RBPMS: variants seen among roughly 807,000 people sequenced by gnomAD.
RBPMS encodes RNA-binding protein with multiple splicing.
Under a neutral mutation model 26.8 loss-of-function variants are expected in RBPMS, and 7 were observed. The observed-to-expected ratio is 0.26, with a 90% confidence interval of 0.15 to 0.49. The LOEUF is 0.49. Among genes scored for constraint, RBPMS ranks in the 20% least tolerant of loss-of-function variants. The pLI is 0.98. For missense variants in RBPMS, 186 were observed against 250.0 expected, an observed-to-expected ratio of 0.74 and a Z score of 1.73; for synonymous variants, 96 against 93.3, an observed-to-expected ratio of 1.03 and a Z score of -0.17.
At chr8:30,417,099 T>C (rs1295406729) in intron 1 of RBPMS, among the ~76,000 whole-genome samples, 1 of 152,230 alleles carries the variant, frequency 6.6e-6, no homozygotes, top group Non-Finnish European at 1.5e-5. Flanking sequence ...GGGGAGTTTG[T>C]TCTTCTAAGA....
At chr8:30,529,072 T>C (rs1320202953) in intron 5 of RBPMS, among the ~76,000 whole-genome samples, 1 of 151,850 alleles carries the variant, frequency 6.6e-6, no homozygotes, top group Non-Finnish European at 1.5e-5. Flanking sequence ...AATTAAAAAT[T>C]AGCCAAGTGT....
In RBPMS at chr8:30,413,019, G is replaced by T. The variant is rs182867352; in HGVS notation, c.66+27861G>T. 8.5e-5 allele frequency among the ~76,000 whole-genome samples: 13 copies of T among 152,296 alleles called. No individual in the cohort carries two copies. In the Middle Eastern group the frequency reaches 0.01, roughly 120 times the overall value. On this transcript the variant is annotated intron_variant, in intron 1 of 8. Transcript: ENST00000397323. ...GATGGGGCCACTGAAGTCCAAGGTG[G>T]TGTCTGGAACACATTCCAGTTTTTT...
chr8:30,561,007 T>C (rs1226801099), intron 7 of RBPMS, among the ~76,000 whole-genome samples: 1 of 152,232 alleles, frequency 6.6e-6, no homozygotes, highest in Non-Finnish European at 1.5e-5. Flanking sequence ...TGAAATTACA[T>C]GTCGTGTGTG....
rs1278876942 is a variant in RBPMS, at chr8:30,504,355, G to A, written c.316G>A (p.Ala106Thr). The part of the protein sequence containing the change: ...LEFAKANTKM[A>T]KNKLVGTPNP... ...GTTTGCTAAGGCAAACACGAAGATG[G>A]CCAAGAACAAACTCGTAGGGACTCC... Residue 106 changes from alanine to threonine, a missense_variant, in exon 5 of 9, where the codon GCC becomes ACC. Physicochemically the swap from Ala to Thr is moderately conservative, Grantham distance 58. Around this residue, in one of 3 missense-constraint regions of RBPMS, gnomAD observed 50 missense variants for 108.5 expected, o/e 0.46. Transcript: ENST00000397323. 1 of 1,614,156 alleles carries A rather than the reference G, an allele frequency of 6.2e-7. No individual in the cohort carries two copies. The highest frequency in any genetic ancestry group is 1.7e-5 in the Admixed American group (1 of 60,028).
intron 5 of RBPMS, among the ~76,000 whole-genome samples, chr8:30,511,471 G>GAAA (rs1188894079): frequency 1.8e-4 from 2 of 11,212 alleles, no homozygotes; most frequent in African/African-American, 4.9e-4. Flanking sequence ...AACAAAAAAA[G>GAAA]AAAAAAAAAA....
chr8:30,547,312 G>A, intron 6 of RBPMS: 4 of 1,610,792 alleles, frequency 2.5e-6, no homozygotes, highest in East Asian at 2.2e-5. Flanking sequence ...CTGAGGCAAA[G>A]CCCAACACAC....
intron 4 of RBPMS, among the ~76,000 whole-genome samples, chr8:30,482,076 A>G (rs1229786766): frequency 6.6e-6 from 1 of 152,232 alleles, no homozygotes; most frequent in East Asian, 1.9e-4. Flanking sequence ...AATTGCCACC[A>G]TAAAGTTTGG....
chr8:30,494,054 T>C (rs1037324170), intron 4 of RBPMS, among the ~76,000 whole-genome samples: 10 of 152,194 alleles, frequency 6.6e-5, no homozygotes, highest in Admixed American at 5.2e-4. Flanking sequence ...ATCTGCCTGG[T>C]TCCTCCTACA....
chr8:30,497,155 CA>C (rs375867784), intron 4 of RBPMS, among the ~76,000 whole-genome samples: 28 of 151,742 alleles, frequency 1.8e-4, no homozygotes, highest in African/African-American at 6.8e-4. Context: ...TCTAAAAAGG[CA>C]AAAAAAATTC....
intron 5 of RBPMS, among the ~76,000 whole-genome samples, chr8:30,526,196 ACAAT>A: frequency 6.6e-6 from 1 of 152,322 alleles, no homozygotes; most frequent in East Asian, 1.9e-4. Context: ...CCATGCTCCA[ACAAT>A]ACTCAGCTCT....
At chr8:30,562,749 G>A (rs144874289) in intron 7 of RBPMS, among the ~76,000 whole-genome samples, 222 of 152,136 alleles carry the variant, frequency 1.5e-3, no homozygotes, top group African/African-American at 5.0e-3. Flanking sequence ...TCCGTTCGGC[G>A]GGGAGGGCTT....
At chr8:30,477,626 GGT>G (rs35290433) in intron 2 of RBPMS, among the ~76,000 whole-genome samples, 171 bp from the exon 3 acceptor site, 151,139 of 151,654 alleles carry the variant, frequency 1, 75,313 homozygotes, top group Middle Eastern at 1. Flanking sequence ...AATGCAAACA[GGT>G]GTGTGTGTGT....
At chr8:30,527,058 T>G (rs1395832721) in intron 5 of RBPMS, among the ~76,000 whole-genome samples, 1 of 152,174 alleles carries the variant, frequency 6.6e-6, no homozygotes, top group Non-Finnish European at 1.5e-5. Flanking sequence ...TACAAAACTT[T>G]CCCAGTTCTC....
intron 1 of RBPMS, among the ~76,000 whole-genome samples, chr8:30,471,936 C>A (rs1415146176): frequency 6.6e-6 from 1 of 152,046 alleles, no homozygotes; most frequent in African/African-American, 2.4e-5. Context: ...CCAGCCCCAG[C>A]AGAATACACA....
chr8:30,449,412 C>T (rs1225613677), intron 1 of RBPMS, among the ~76,000 whole-genome samples: 1 of 148,644 alleles, frequency 6.7e-6, no homozygotes, highest in Non-Finnish European at 1.5e-5. Context: ...AGACTCTTGC[C>T]CCGGCTGGAG....
At chr8:30,545,476 A>G in intron 6 of RBPMS, 1 of 988,236 alleles carries the variant, frequency 1.0e-6, no homozygotes, top group Non-Finnish European at 1.2e-6. Context: ...GTACGTACGT[A>G]GGTTTCATTT....
At chr8:30,567,001 TGTA>T (rs1563460560) in intron 8 of RBPMS, among the ~76,000 whole-genome samples, 1 of 152,142 alleles carries the variant, frequency 6.6e-6, no homozygotes, top group African/African-American at 2.4e-5. Context: ...TAGCAGGAAA[TGTA>T]GTCTAAAAAA....
At chr8:30,566,016 TC>T (rs1827862681) in intron 7 of RBPMS, 2 of 152,606 alleles carry the variant, frequency 1.3e-5, no homozygotes, top group Non-Finnish European at 1.5e-5. Flanking sequence ...CCCAGAAGCC[TC>T]CTCTTACTTG....
chr8:30,409,413 G>A (rs1299679775), intron 1 of RBPMS, among the ~76,000 whole-genome samples: 1 of 151,940 alleles, frequency 6.6e-6, no homozygotes, highest in Non-Finnish European at 1.5e-5. Flanking sequence ...GGTGGGCCTC[G>A]AACTCCCAGC....
Sources: gnomAD v4.1 joint callset for allele counts (sites outside exome capture counted in the v4.1 genomes callset) on GRCh38, gnomAD v4.1.1 for gene constraint, gnomAD v4.1.1 regional missense constraint, MANE v1.5 for transcripts, NCBI Gene and HGNC (gene_info 2026-07-23, HGNC 2026-07-21) for gene names.